Variants in ADCY7 observed in about 807,000 individuals in gnomAD.
ADCY7 encodes the protein adenylate cyclase 7.
Under a neutral mutation model 120.6 loss-of-function variants are expected in ADCY7, and 72 were observed. That is an observed-to-expected ratio of 0.60 (90% CI 0.49 to 0.73). The LOEUF is 0.73. Ranked by LOEUF, ADCY7 falls within the 30% of genes least tolerant of loss-of-function variation. The pLI is 0.00. For missense variants in ADCY7, 1,227 were observed against 1,486.0 expected (o/e 0.83, Z 2.87); for synonymous variants, 661 against 628.0 (o/e 1.05, Z -0.78).
intron 1 of ADCY7, among the ~76,000 whole-genome samples, chr16:50,269,491 A>T (rs1391793694): frequency 6.6e-6 from 1 of 152,190 alleles, no homozygotes; most frequent in African/African-American, 2.4e-5. Context: ...GCGGGAGAGA[A>T]GAGGTAGGAC....
chr16:50,298,758 A>C lies in ADCY7; in HGVS notation c.949-146A>C, dbSNP rs1297734044. The C allele has an allele frequency of 3.5e-6, 4 of 1,156,762 alleles. No individual in the cohort carries two copies. In the African/African-American group the frequency reaches 6.2e-5, roughly 18 times the overall value. 71.7% of individuals were successfully genotyped at this position (1,156,762 alleles called of 1,614,324 possible). A position where few individuals can be genotyped will look rare whatever the true frequency, so the allele number is the denominator to read the frequency against. ...TCGCTAAGCCTTTTGCCAGGCCCAG[A>C]AGTGGCTCCTGGTGACTGGACCCCA... On this transcript the variant is annotated intron_variant, in intron 7 of 25. Coordinates refer to ENST00000673801, the MANE Select transcript of ADCY7 (RefSeq NM_001114.5).
upstream of ADCY7, among the ~76,000 whole-genome samples, chr16:50,263,111 G>C (rs185186823): frequency 6.6e-6 from 1 of 152,168 alleles, no homozygotes; most frequent in African/African-American, 2.4e-5. Flanking sequence ...TGTGTGCTTG[G>C]GCCAGCAATG....
At chr16:50,251,888 C>T (rs2032768258) in intron 1 of ADCY7, among the ~76,000 whole-genome samples, 1 of 152,234 alleles carries the variant, frequency 6.6e-6, no homozygotes. Flanking sequence ...GAGGGCATAG[C>T]ATTGCACTGC....
In ADCY7 at chr16:50,297,576, C is replaced by T. The variant is rs548952479; in HGVS notation, c.949-1328C>T. ...GGCCCAGCAGGAAACATCTGGCACA[C>T]GCTGAAACTGAGTAATTGGCGGAGG... On this transcript the variant is annotated intron_variant, in intron 7 of 25. Transcript: ENST00000673801. This position sits in a 1 kb window ranked among gnomAD's most constrained non-coding sequence, Gnocchi z 4.4. Among the ~76,000 whole-genome samples, 5 of 152,338 alleles carry T rather than the reference C, an allele frequency of 3.3e-5. No individual in the cohort carries two copies. The highest frequency in any genetic ancestry group is 3.3e-4 in the Admixed American group (5 of 15,306).
chr16:50,308,376 C>T lies in ADCY7; in HGVS notation c.1900C>T (p.Leu634=). ...CGGGCTGGTGGCCTGTGTACTGGGG[C>T]TGGTGCTGGGCCTGTGCTTTGCCAC... ...SFGLVACVLG[L]VLGLCFATKF... The change falls in exon 16 of 26, where the codon CTG becomes TTG. Residue 634 remains leucine (L), a synonymous_variant. Transcript: ENST00000673801. 1 of 1,614,114 alleles carries T rather than the reference C, an allele frequency of 6.2e-7. No individual in the cohort carries two copies. The highest frequency in any genetic ancestry group is 8.5e-7 in the Non-Finnish European group (1 of 1,180,010).
chr16:50,304,359 G>T lies in ADCY7; in HGVS notation c.1369-1G>T. 2.0e-6 allele frequency: 3 copies of T among 1,511,290 alleles called. No individual in the cohort carries two copies. Among genetic ancestry groups the T allele is most frequent in the Non-Finnish European group, 1.8e-6 (2 of 1,127,162 alleles). 93.6% of individuals were successfully genotyped at this position (1,511,290 alleles called of 1,614,324 possible). A position where few individuals can be genotyped will look rare whatever the true frequency, so the allele number is the denominator to read the frequency against. ...AGGCCCATGTCCATGTCTGCCCGCAGAGCCAGCAGCCACCCCCGCCCAGCC... is the reference window on the plus strand; with the variant it reads ...AGGCCCATGTCCATGTCTGCCCGCATAGCCAGCAGCCACCCCCGCCCAGCC... On this transcript the variant is annotated splice_acceptor_variant, in intron 10 of 25. Transcript: ENST00000673801. LOFTEE classifies it high-confidence loss of function.
At chr16:50,303,343 T>C (rs1463133739) in intron 10 of ADCY7, among the ~76,000 whole-genome samples, 1 of 151,770 alleles carries the variant, frequency 6.6e-6, no homozygotes, top group African/African-American at 2.4e-5. Context: ...CAAAAGGAGG[T>C]GAGAGGTTTC....
rs542592227 is a variant in ADCY7 at position 50,302,314 on chromosome 16, C to T, written c.1368+1100C>T. Reference sequence around the variant, plus strand: ...TCCTCCTCTCCAGGCTGCAGCCCCCCACCCCGTGCTGAGATGGATGCCCGG... The same window carrying T: ...TCCTCCTCTCCAGGCTGCAGCCCCCTACCCCGTGCTGAGATGGATGCCCGG... On this transcript the variant is annotated intron_variant, in intron 10 of 25. Transcript: ENST00000673801. Among the ~76,000 whole-genome samples, 14 of 152,340 alleles carry T rather than the reference C, an allele frequency of 9.2e-5. No homozygotes were observed. The South Asian group carries it at 2.3e-3, about 25-fold the overall frequency.
At chr16:50,258,688 G>T (rs2032983009) in intron 1 of ADCY7, among the ~76,000 whole-genome samples, 1 of 151,502 alleles carries the variant, frequency 6.6e-6, no homozygotes. Context: ...TGACCTCCAG[G>T]CTCAAGCAAT....
rs1459007234 is a variant in ADCY7 at position 50,312,201 on chromosome 16, G to C, written c.2604+10G>C. 1 of 1,603,388 alleles carries C rather than the reference G, an allele frequency of 6.2e-7. No individual in the cohort carries two copies. Among genetic ancestry groups the C allele is most frequent in the Admixed American group, 1.7e-5 (1 of 58,282 alleles). On this transcript the variant is annotated intron_variant, in intron 21 of 25. Transcript: ENST00000673801. ...TGACAAGTTAAACGAGGTGTGCTGAGAAGGGGCTGGGGCGGGGGCAGGGAG... is the reference window on the plus strand; with the variant it reads ...TGACAAGTTAAACGAGGTGTGCTGACAAGGGGCTGGGGCGGGGGCAGGGAG...
intron 2 of ADCY7, 112 bp downstream of exon 2, chr16:50,288,462 T>C: frequency 8.4e-7 from 1 of 1,193,834 alleles, no homozygotes; most frequent in Admixed American, 3.3e-5. Flanking sequence ...TGCTATGCTT[T>C]TTTGTTTGTT....
At chr16:50,311,986 C>A in intron 20 of ADCY7, 50 bp from the exon 21 acceptor site, 1 of 1,608,120 alleles carries the variant, frequency 6.2e-7, no homozygotes, top group Non-Finnish European at 8.5e-7. Flanking sequence ...CACAGCAGCA[C>A]GGCTCCCACT....
Position 50,315,579 on chromosome 16 carries a change from C to T in ADCY7, c.*74C>T, listed in dbSNP as rs561790471. ...GAAGCAAGCCCAGGAGAAGACTCTC[C>T]GCCCCACGCCAATCCCAAAGGCATG... On this transcript the variant is annotated 3_prime_UTR_variant, in exon 26 of 26. Coordinates refer to ENST00000673801, the MANE Select transcript of ADCY7 (RefSeq NM_001114.5). 326 of 1,552,180 alleles carry T rather than the reference C, an allele frequency of 2.1e-4. No individual in the cohort carries two copies. In the African/African-American group the frequency reaches 3.2e-3, roughly 15 times the overall value.
chr16:50,300,070 G>T (rs749202108), intron 8 of ADCY7, among the ~76,000 whole-genome samples: 3 of 152,070 alleles, frequency 2.0e-5, no homozygotes, highest in South Asian at 4.1e-4. Flanking sequence ...CTCTGTAGAC[G>T]CCAGTAAACT....
upstream of ADCY7, among the ~76,000 whole-genome samples, chr16:50,263,556 G>A (rs866272384): frequency 5.3e-5 from 8 of 152,176 alleles, no homozygotes; most frequent in African/African-American, 1.9e-4. Context: ...TCTGCTGTAT[G>A]GCCAGTTTAT....
rs745549382 is a variant in ADCY7 at position 50,308,741 on chromosome 16, C to A, written c.2010C>A (p.Thr670=). 2 of 1,613,390 alleles carry A rather than the reference C, an allele frequency of 1.2e-6. No homozygotes were observed. The highest frequency in any genetic ancestry group is 1.7e-6 in the Non-Finnish European group (2 of 1,179,962). ...AGACACAGCCCCTGCTGAGGCTGAC[C>A]CTGGCCGTCCTGACCATCGGCAGCC... ...RVETQPLLRL[T]LAVLTIGSLL... is the part of the protein sequence containing the mutation. Residue 670 remains threonine, a synonymous_variant, in exon 17 of 26, where the codon ACC becomes ACA. Coordinates refer to ENST00000673801, the MANE Select transcript of ADCY7 (RefSeq NM_001114.5).
At position 50,282,714 on chromosome 16, in the gene ADCY7, T is replaced by C. The variant is rs529905761; in HGVS notation, c.-268-5198T>C. Among the ~76,000 whole-genome samples the C allele has an allele frequency of 5.9e-5, 5 of 84,708 alleles. No individual in the cohort carries two copies. In the East Asian group the frequency reaches 1.8e-3, roughly 30 times the overall value. 55.6% of individuals were successfully genotyped at this position (84,708 alleles called of 152,430 possible). A position where few individuals can be genotyped will look rare whatever the true frequency, so the allele number is the denominator to read the frequency against. On this transcript the variant is annotated intron_variant, in intron 1 of 25. Transcript: ENST00000673801. ...GGATATCCTGTGTTTAAATCCCAGC[T>C]TTTTTTTTTTTTCCAGACAGGATTC...
chr16:50,304,352 G>A lies in ADCY7; in HGVS notation c.1369-8G>A, dbSNP rs1428409288. ...GTGGCACAGGCCCATGTCCATGTCT[G>A]CCCGCAGAGCCAGCAGCCACCCCCG... On this transcript the variant is annotated splice_polypyrimidine_tract_variant and splice_region_variant and intron_variant, in intron 10 of 25. Transcript: ENST00000673801. 1 of 1,501,320 alleles carries A rather than the reference G, an allele frequency of 6.7e-7. No homozygotes were observed. The highest frequency in any genetic ancestry group is 2.1e-5 in the Admixed American group (1 of 47,312). The allele number at this position is 1,501,320 out of a possible 1,614,324, so 93.0% of individuals were successfully genotyped here.
At chr16:50,313,435 C>CAACAA (rs1555526420) in intron 22 of ADCY7, 2 of 164,616 alleles carry the variant, frequency 1.2e-5, no homozygotes, top group Admixed American at 6.0e-5. Context: ...ACAACAACAA[C>CAACAA]AAAAAAAAAA....
Sources: allele counts gnomAD v4.1 joint callset (sites outside exome capture counted in the v4.1 genomes callset), GRCh38; gene constraint gnomAD v4.1.1; non-coding constraint Gnocchi (gnomAD v3.1); transcripts MANE v1.5; gene names NCBI Gene and HGNC (gene_info 2026-07-23, HGNC 2026-07-21).